Variants in TET2 observed in about 807,000 individuals in gnomAD.
TET2 encodes tet methylcytosine dioxygenase 2.
Under a neutral mutation model 142.9 loss-of-function variants are expected in TET2, and 299 were observed. The ratio of observed to expected loss-of-function variants is 2.09; its 90% CI spans 1.90 to 2.30. The LOEUF (loss-of-function observed/expected upper bound fraction) is 2.30, where lower values mean the gene tolerates loss of function less well. Among genes scored for constraint, TET2 ranks in the 30% most tolerant of loss-of-function variants. The pLI, the probability that TET2 is intolerant of heterozygous loss-of-function variation, is 0.00. For synonymous variants in TET2, 819 were observed against 849.0 expected (o/e 0.96, Z 0.61); for missense variants, 2,418 against 2,378.0 (o/e 1.02, Z -0.35).
At chr4:105,191,696 C>T (rs993517975) in intron 2 of TET2, among the ~76,000 whole-genome samples, 3 of 152,126 alleles carry the variant, frequency 2.0e-5, no homozygotes, top group Non-Finnish European at 2.9e-5. Flanking sequence ...TGTTCTGGTG[C>T]TGAGAAATCC....
rs2110311240 is a variant in TET2 at position 105,275,066 on chromosome 4, G to A, written c.4556G>A (p.Gly1519Glu). The A allele has an allele frequency of 6.5e-7, 1 of 1,538,182 alleles. No individual in the cohort carries two copies. Among genetic ancestry groups the A allele is most frequent in the Non-Finnish European group, 8.8e-7 (1 of 1,141,270 alleles). ...KQLAELLRLS[G>E]PVMQQSQQPQ... ...TCCACAGAACTTTTGCGACTTTCAG[G>A]ACCAGTCATGCAGCAGTCCCAGCAG... The change falls in exon 11 of 11, where the codon GGA becomes GAA. Residue 1519 changes from glycine to glutamate, a missense_variant. Physicochemically the swap from Gly to Glu is moderately conservative, Grantham distance 98. Transcript: ENST00000380013.
rs772418047 is a variant in TET2, at chr4:105,236,115, A to C, written c.2173A>C (p.Lys725Gln). The C allele has an allele frequency of 6.2e-7, 1 of 1,614,142 alleles. No individual in the cohort carries two copies. Among genetic ancestry groups the C allele is most frequent in the Non-Finnish European group, 8.5e-7 (1 of 1,180,010 alleles). Residue 725 changes from lysine (K) to glutamine (Q), a missense_variant, in exon 3 of 11, where the codon AAA (lysine) becomes CAA (glutamine). Physicochemically the swap from Lys to Gln is moderately conservative, Grantham distance 53. Transcript: ENST00000380013. The part of the protein sequence containing the change: ...NSHLLQHKPH[K>Q]QAAQTQPSQS... ...ACACCTTTTGCAACATAAGCCTCAT[A>C]AACAGGCAGCACAAACACAACCATC...
chr4:105,154,331 T>C (rs550279188), intron 1 of TET2, among the ~76,000 whole-genome samples: 3 of 152,338 alleles, frequency 2.0e-5, no homozygotes, highest in African/African-American at 7.2e-5. Flanking sequence ...AGTTGAGTTA[T>C]TTGGTTTATT....
chr4:105,255,049 C>A (rs1730053736), intron 6 of TET2, among the ~76,000 whole-genome samples: 1 of 152,182 alleles, frequency 6.6e-6, no homozygotes, highest in African/African-American at 2.4e-5. Context: ...TTCCCTGTGA[C>A]CTCATTTCTC....
intron 8 of TET2, among the ~76,000 whole-genome samples, chr4:105,266,170 A>C (rs1202684783): frequency 3.9e-5 from 6 of 152,174 alleles, no homozygotes; most frequent in African/African-American, 1.4e-4. Flanking sequence ...AGGACCTGGA[A>C]TAGTTCTTGA....
chr4:105,237,198 ACTT>A lies in TET2; in HGVS notation c.3261_3263del (p.Ser1088del). 3 of 1,614,122 alleles carry A rather than the reference ACTT, an allele frequency of 1.9e-6. No individual in the cohort carries two copies. Among genetic ancestry groups the A allele is most frequent in the South Asian group, 1.1e-5 (1 of 91,084 alleles). On this transcript the variant is annotated inframe_deletion, in exon 3 of 11. Coordinates refer to ENST00000380013, the MANE Select transcript of TET2 (RefSeq NM_001127208.3). ...CACCCCAGCTTTAGAGCAGCAAACA[ACTT>A]CTTCAGAAAAGACACCAACCAAAAG...
chr4:105,192,031 G>A (rs1017739786), intron 2 of TET2, among the ~76,000 whole-genome samples: 2 of 152,054 alleles, frequency 1.3e-5, no homozygotes, highest in South Asian at 4.1e-4. Context: ...TGTGAGAACT[G>A]TGACTACTCA....
intron 1 of TET2, among the ~76,000 whole-genome samples, chr4:105,154,743 GA>G (rs1393047540): frequency 6.6e-6 from 1 of 152,198 alleles, no homozygotes; most frequent in African/African-American, 2.4e-5. Flanking sequence ...AAAGGAATGT[GA>G]CTGGGTGCGG....
At chr4:105,221,212 C>T (rs758058349) in intron 2 of TET2, among the ~76,000 whole-genome samples, 1 of 151,806 alleles carries the variant, frequency 6.6e-6, no homozygotes, top group Non-Finnish European at 1.5e-5. Context: ...GGAATAAGCC[C>T]AAATTCAAAA....
chr4:105,272,848 TGAAAAG>T lies in TET2; in HGVS notation c.4474_4479del (p.Glu1492_Lys1493del), dbSNP rs1260216363. On this transcript the variant is annotated inframe_deletion, in exon 10 of 11. Transcript: ENST00000380013. ...CCCTGGAGAACAGCTCAAATAAAAA[TGAAAAG>T]GAAAAGTCAGCCCCATCACGTACAA... 9.0e-6 allele frequency: 14 copies of T among 1,550,958 alleles called. No homozygotes were observed. Among genetic ancestry groups the T allele is most frequent in the Non-Finnish European group, 1.1e-5 (13 of 1,146,826 alleles).
chr4:105,206,749 T>C (rs569924314), intron 2 of TET2, among the ~76,000 whole-genome samples: 1 of 152,308 alleles, frequency 6.6e-6, no homozygotes, highest in South Asian at 2.1e-4. Flanking sequence ...TTTGACTGTT[T>C]AAATCATTTA....
chr4:105,165,886 A>G (rs1724125372), intron 1 of TET2, among the ~76,000 whole-genome samples: 1 of 152,186 alleles, frequency 6.6e-6, no homozygotes, highest in Non-Finnish European at 1.5e-5. Flanking sequence ...TGCTTTAAAA[A>G]ATTGTTTATC....
chr4:105,234,287 C>G lies in TET2; in HGVS notation c.345C>G (p.Asp115Glu). Residue 115 changes from aspartate (D) to glutamate (E), a missense_variant, in exon 3 of 11, where the codon GAC becomes GAG. Physicochemically the swap from Asp to Glu is conservative, Grantham distance 45. Transcript: ENST00000380013. Reference sequence around the variant, plus strand: ...TTCAGATCAAGAAATTGAAACAAGACCAAAAGGCTAATGGAGAAAGACGTA... The same window carrying G: ...TTCAGATCAAGAAATTGAAACAAGAGCAAAAGGCTAATGGAGAAAGACGTA... ...GLLQIKKLKQDQKANGERRNF... is the reference protein window; with the variant it reads ...GLLQIKKLKQEQKANGERRNF... 1.2e-6 allele frequency: 2 copies of G among 1,614,000 alleles called. No individual in the cohort carries two copies. The highest frequency in any genetic ancestry group is 1.7e-6 in the Non-Finnish European group (2 of 1,179,990).
chr4:105,224,733 G>A (rs1005748248), intron 2 of TET2, among the ~76,000 whole-genome samples: 17 of 46,666 alleles, frequency 3.6e-4, no homozygotes, highest in Non-Finnish European at 6.8e-4. Context: ...TCTCTGTCTC[G>A]TAGCTTATGA....
intron 2 of TET2, among the ~76,000 whole-genome samples, chr4:105,197,502 G>A (rs1726163016): frequency 6.6e-6 from 1 of 152,204 alleles, no homozygotes; most frequent in Non-Finnish European, 1.5e-5. Context: ...GTAGGCTCTT[G>A]TAGGAGGCCA....
chr4:105,216,855 T>C (rs1727524933), intron 2 of TET2, among the ~76,000 whole-genome samples: 1 of 152,132 alleles, frequency 6.6e-6, no homozygotes, highest in South Asian at 2.1e-4. Context: ...CACATCAATC[T>C]TAAATGCATC....
At chr4:105,203,635 C>CGTTTTGT (rs1726610910) in intron 2 of TET2, among the ~76,000 whole-genome samples, 1 of 151,970 alleles carries the variant, frequency 6.6e-6, no homozygotes, top group African/African-American at 2.4e-5. Context: ...CAATACATTA[C>CGTTTTGT]ATTACACAGA....
chr4:105,269,325 G>A (rs1420513130), intron 8 of TET2, among the ~76,000 whole-genome samples: 1 of 152,106 alleles, frequency 6.6e-6, no homozygotes, highest in Non-Finnish European at 1.5e-5. Context: ...TTATACAGGG[G>A]CATGAGGAAA....
intron 6 of TET2, among the ~76,000 whole-genome samples, chr4:105,244,586 GTTTTTTTTTTTTT>G (rs566674796): frequency 3.0e-5 from 2 of 66,696 alleles, no homozygotes; most frequent in African/African-American, 4.1e-5. Context: ...ACACAGAAAT[GTTTTTTTTTTTTT>G]TTTTTTTTTT....
Sources: gnomAD v4.1 joint callset for allele counts (sites outside exome capture counted in the v4.1 genomes callset) on GRCh38, gnomAD v4.1.1 for gene constraint, MANE v1.5 for transcripts, NCBI Gene and HGNC (gene_info 2026-07-23, HGNC 2026-07-21) for gene names.